The following ABCC4 variants were observed in gnomAD, a reference collection of about 807,000 sequenced individuals.
ABCC4 encodes the protein ATP binding cassette subfamily C member 4 (PEL blood group), also known as ATP-binding cassette sub-family C member 4.
A neutral mutation model predicts 168.5 loss-of-function variants in ABCC4; 102 were observed. The observed-to-expected ratio is 0.61, with a 90% CI of 0.52 to 0.71. ABCC4 has a LOEUF of 0.71. ABCC4 is among the 30% of genes least tolerant of loss of function. ABCC4 has a pLI of 0.00. For synonymous variants in ABCC4, 617 were observed against 590.7 expected, an observed-to-expected ratio of 1.04 and a Z score of -0.65; for missense variants, 1,402 against 1,605.8, an observed-to-expected ratio of 0.87 and a Z score of 2.17.
At chr13:95,265,655 T>C (rs998887479) in intron 1 of ABCC4, among the ~76,000 whole-genome samples, 1 of 151,848 alleles carries the variant, frequency 6.6e-6, no homozygotes, top group Non-Finnish European at 1.5e-5. Context: ...AGACCCACGC[T>C]AAGAGGAGAG....
At chr13:95,110,743 G>A (rs2035174545) in intron 20 of ABCC4, among the ~76,000 whole-genome samples, 1 of 152,060 alleles carries the variant, frequency 6.6e-6, no homozygotes, top group African/African-American at 2.4e-5. Flanking sequence ...TGAGGCAGCA[G>A]GATCACTTGG....
At chr13:95,272,571 C>T (rs529063432) in intron 1 of ABCC4, among the ~76,000 whole-genome samples, 13 of 152,286 alleles carry the variant, frequency 8.5e-5, no homozygotes, top group Admixed American at 8.5e-4. Flanking sequence ...CACAAGGCCA[C>T]AGATTGATTT....
rs781637371 is a variant in ABCC4, at chr13:95,074,299, C to T, written c.2832G>A (p.Thr944=). 14 of 1,613,260 alleles carry T rather than the reference C, an allele frequency of 8.7e-6. No homozygotes were observed. The East Asian group carries it at 8.9e-5, about 10-fold the overall frequency. ...CCAGACGGACGGCAAACCAGCGGGA[C>T]GTTGTCAAAAACAAGAACCAAGCCT... ...HSEAWFLFLT[T]SRWFAVRLDA... The change falls in exon 23 of 31, where the codon ACG becomes ACA. Residue 944 remains threonine, a synonymous_variant. Transcript: ENST00000645237.
At chr13:95,136,608 C>T (rs1739054495) in intron 19 of ABCC4, among the ~76,000 whole-genome samples, 1 of 152,194 alleles carries the variant, frequency 6.6e-6, no homozygotes, top group Non-Finnish European at 1.5e-5. Flanking sequence ...AAAGGAGATC[C>T]AGTCTCAAAT....
rs533319240 is a variant in ABCC4, at chr13:95,229,446, C to T, written c.531+5164G>A. On this transcript the variant is annotated intron_variant, in intron 4 of 30. Transcript: ENST00000645237. ...TCAATTCTGCAAAAAAGTCTGCAAA[C>T]AGCAGAGAGGAGCACCAGCAAGCAG... 2.0e-5 allele frequency among the ~76,000 whole-genome samples: 3 copies of T among 152,278 alleles called. No homozygotes were observed. The East Asian group carries it at 5.8e-4, about 29-fold the overall frequency.
rs116093763 is a variant in ABCC4, at chr13:95,062,016, C to T, written c.3366+688G>A. The stretch of plus-strand genomic sequence containing the variant: ...AAGAAAAGAAAATAGAATCAGAGTC[C>T]GGGAAAGGATGGCCAATTTAACCCT... On this transcript the variant is annotated intron_variant, in intron 26 of 30. Coordinates refer to ENST00000645237, the MANE Select transcript of ABCC4 (RefSeq NM_005845.5). Among the ~76,000 whole-genome samples the T allele has an allele frequency of 2.7e-3, 411 of 152,142 alleles. 1 individual carries two copies. The highest frequency in any genetic ancestry group is 9.2e-3 in the African/African-American group (383 of 41,500).
intron 27 of ABCC4, among the ~76,000 whole-genome samples, chr13:95,047,360 T>C (rs2032620195): frequency 6.6e-6 from 1 of 152,146 alleles, no homozygotes; most frequent in African/African-American, 2.4e-5. Flanking sequence ...GAGTATAAAA[T>C]CAGTCAGTAT....
At chr13:95,250,393 T>A (rs2138816377) in intron 1 of ABCC4, among the ~76,000 whole-genome samples, 1 of 152,312 alleles carries the variant, frequency 6.6e-6, no homozygotes, top group Middle Eastern at 3.4e-3. Context: ...ACTGCCATAT[T>A]ATTTGGAATC....
chr13:95,293,784 CTT>C (rs35106299), intron 1 of ABCC4, among the ~76,000 whole-genome samples: 5 of 138,618 alleles, frequency 3.6e-5, no homozygotes, highest in Non-Finnish European at 3.1e-5. Flanking sequence ...TTTTCTTTTG[CTT>C]TTTTTTTTTT....
At chr13:95,025,260 CA>C (rs2031403426) in intron 30 of ABCC4, among the ~76,000 whole-genome samples, 3 of 24,950 alleles carry the variant, frequency 1.2e-4, no homozygotes, top group Admixed American at 8.6e-4. Context: ...CACACACACA[CA>C]CCCCCACACC....
rs550511212 is a variant in ABCC4 at position 95,219,325 on chromosome 13, G to C, written c.532-8544C>G. ...AGAGATGAGCAAGACATACTGGCAG[G>C]GCAACAGGAAGAAAAAGGAAAATAT... On this transcript the variant is annotated intron_variant, in intron 4 of 30. Coordinates refer to ENST00000645237, the MANE Select transcript of ABCC4 (RefSeq NM_005845.5). 7.9e-5 allele frequency among the ~76,000 whole-genome samples: 12 copies of C among 152,208 alleles called. No individual in the cohort carries two copies. In the East Asian group the frequency reaches 2.3e-3, roughly 29 times the overall value.
chr13:95,270,872 G>A (rs144032685), intron 1 of ABCC4, among the ~76,000 whole-genome samples: 154 of 152,280 alleles, frequency 1.0e-3, no homozygotes, highest in African/African-American at 3.5e-3. Flanking sequence ...GAGGCGAGAC[G>A]ATTATAAGGT....
At chr13:95,053,759 C>T (rs1049993042) in intron 26 of ABCC4, 1 of 155,844 alleles carries the variant, frequency 6.4e-6, no homozygotes, top group Non-Finnish European at 1.4e-5. Flanking sequence ...GGTGGATCAC[C>T]TGAGGTCAGG....
At chr13:95,069,961 C>G (rs1476533439) in intron 25 of ABCC4, among the ~76,000 whole-genome samples, 2 of 152,100 alleles carry the variant, frequency 1.3e-5, no homozygotes, top group Non-Finnish European at 2.9e-5. Context: ...AGAATCTGGC[C>G]AGGCATGGTG....
intron 4 of ABCC4, among the ~76,000 whole-genome samples, chr13:95,224,210 A>T (rs1293120545): frequency 6.6e-6 from 1 of 151,848 alleles, no homozygotes; most frequent in East Asian, 1.9e-4. Context: ...ACCCAAAAAA[A>T]AAAAAAGAGA....
chr13:95,022,526 T>C (rs998805089), intron 30 of ABCC4, among the ~76,000 whole-genome samples: 2 of 152,194 alleles, frequency 1.3e-5, no homozygotes, highest in Non-Finnish European at 1.5e-5. Flanking sequence ...AATGAAATAA[T>C]GTCAAGACTT....
intron 19 of ABCC4, among the ~76,000 whole-genome samples, chr13:95,128,964 G>A (rs2035872656): frequency 1.3e-5 from 2 of 152,088 alleles, no homozygotes; most frequent in Admixed American, 6.5e-5. Flanking sequence ...AAACGGCCTA[G>A]CTCTGTATTG....
intron 14 of ABCC4, 88 bp from the exon 15 acceptor site, chr13:95,166,455 A>G: frequency 8.8e-7 from 1 of 1,132,388 alleles, no homozygotes; most frequent in Non-Finnish European, 1.3e-6. Flanking sequence ...AAAGTAACTG[A>G]TCTTAAGTTA....
intron 19 of ABCC4, among the ~76,000 whole-genome samples, chr13:95,117,699 T>C (rs1054625511): frequency 3.3e-5 from 5 of 151,670 alleles, no homozygotes; most frequent in African/African-American, 9.7e-5. Context: ...ATTTCTTAAG[T>C]GGAAAAGTTA....
Sources: allele counts gnomAD v4.1 joint callset (sites outside exome capture counted in the v4.1 genomes callset), GRCh38; gene constraint gnomAD v4.1.1; transcripts MANE v1.5; gene names NCBI Gene and HGNC (gene_info 2026-07-23, HGNC 2026-07-21).